Variants in SNAP91 observed in about 807,000 individuals in gnomAD.
The protein encoded by SNAP91 is synaptosome associated protein 91.
Under a neutral mutation model 100.3 loss-of-function variants are expected in SNAP91, and 27 were observed. The observed-to-expected ratio is 0.27, with a 90% CI of 0.20 to 0.37. SNAP91 has a LOEUF of 0.37. Ranked by LOEUF, SNAP91 falls within the 10% of genes least tolerant of loss-of-function variation. The pLI is 1.00. For synonymous variants in SNAP91, 404 were observed against 398.6 expected (o/e 1.01, Z -0.16); for missense variants, 986 against 1,123.7 (o/e 0.88, Z 1.75).
rs115518045 is a variant in SNAP91, at chr6:83,664,028, G to A, written c.273+1411C>T. Among the ~76,000 whole-genome samples the A allele has an allele frequency of 6.0e-3, 911 of 152,154 alleles. 9 individuals carry two copies. Among genetic ancestry groups the A allele is most frequent in the African/African-American group, 0.021 (877 of 41,524 alleles). On this transcript the variant is annotated intron_variant, in intron 3 of 29. Coordinates refer to ENST00000369694, the MANE Select transcript of SNAP91 (RefSeq NM_001242792.2). Reference sequence around the variant, plus strand: ...CTCTATAAATGGAACAACAAAGCCCGGATGATAGCACACTCTGTTTATAGT... The same window carrying A: ...CTCTATAAATGGAACAACAAAGCCCAGATGATAGCACACTCTGTTTATAGT...
Position 83,696,777 on chromosome 6 carries a change from T to C in SNAP91, c.130+11021A>G, listed in dbSNP as rs145506437. ...ATTCTTTTTGAATCACCTGTAATTA[T>C]TTCTTTAATTTTCTGTCTCCCCTAC... On this transcript the variant is annotated intron_variant, in intron 2 of 29. Transcript: ENST00000369694. Among the ~76,000 whole-genome samples the C allele has an allele frequency of 5.2e-4, 79 of 152,308 alleles. 1 individual carries two copies. The East Asian group carries it at 0.014, about 28-fold the overall frequency.
Position 83,582,319 on chromosome 6 carries a change from T to C in SNAP91, c.2052A>G (p.Pro684=). 11 of 1,613,434 alleles carry C rather than the reference T, an allele frequency of 6.8e-6. No individual in the cohort carries two copies. Among genetic ancestry groups the C allele is most frequent in the Non-Finnish European group, 9.3e-6 (11 of 1,179,680 alleles). Residue 684 remains proline, a synonymous_variant, in exon 23 of 30, where the codon CCA becomes CCG. Coordinates refer to ENST00000369694, the MANE Select transcript of SNAP91 (RefSeq NM_001242792.2). ...GGSFMAPSPS[P]VTPAQNNLLQ... is the part of the protein sequence containing the mutation. ...GCAGGTTATTCTGAGCTGGAGTCAC[T>C]GGAGATGGGGAAGGCGCCATGAAAG...
At chr6:83,673,564 T>TAGTTAACAACAATCAA (rs1201339685) in intron 2 of SNAP91, among the ~76,000 whole-genome samples, 107 of 152,330 alleles carry the variant, frequency 7.0e-4, no homozygotes, top group African/African-American at 2.5e-3. Flanking sequence ...CCCTCTCTTC[T>TAGTTAACAACAATCAA]AGTTAACAAC....
intron 2 of SNAP91, among the ~76,000 whole-genome samples, chr6:83,670,063 T>G (rs933734200): frequency 3.3e-5 from 5 of 151,966 alleles, no homozygotes; most frequent in African/African-American, 1.2e-4. Context: ...TTTAGGGAAC[T>G]GCTTTCAGAA....
chr6:83,600,335 T>C (rs1191436557), intron 16 of SNAP91, among the ~76,000 whole-genome samples: 1 of 152,192 alleles, frequency 6.6e-6, no homozygotes, highest in African/African-American at 2.4e-5. Flanking sequence ...GGGTACATAT[T>C]GATTACACCA....
rs1242753507 is a variant in SNAP91 at position 83,695,315 on chromosome 6, AAAAAG to A, written c.130+12478_130+12482del. 2.8e-4 allele frequency among the ~76,000 whole-genome samples: 43 copies of A among 151,166 alleles called. No individual in the cohort carries two copies. In the East Asian group the frequency reaches 5.6e-3, roughly 20 times the overall value. On this transcript the variant is annotated intron_variant, in intron 2 of 29. Coordinates refer to ENST00000369694, the MANE Select transcript of SNAP91 (RefSeq NM_001242792.2). ...AAAAAAAAAAAGAGAAAAGAAAAAG[AAAAAG>A]AAAAGAAAAGAAAGAAAACTGTGAT...
intron 8 of SNAP91, among the ~76,000 whole-genome samples, chr6:83,626,206 C>A (rs1429258010): frequency 6.6e-6 from 1 of 152,002 alleles, no homozygotes; most frequent in Admixed American, 6.6e-5. Flanking sequence ...CTATTCTGTT[C>A]CACTGTTCTA....
intron 16 of SNAP91, among the ~76,000 whole-genome samples, chr6:83,597,395 T>C (rs1211761279): frequency 3.9e-5 from 6 of 152,258 alleles, no homozygotes; most frequent in African/African-American, 1.4e-4. Context: ...TTTTTCATTA[T>C]AAATGGCAGC....
rs1217704917 is a variant in SNAP91 at position 83,576,061 on chromosome 6, T to A, written c.2300-8A>T. ...TACCAGAAATTCCAAGATCTATAAA[T>A]GGATAAAAGAAAAAAGAATGTAAAT... On this transcript the variant is annotated splice_region_variant and splice_polypyrimidine_tract_variant and intron_variant, in intron 24 of 29. Transcript: ENST00000369694. The A allele has an allele frequency of 7.5e-7, 1 of 1,325,512 alleles. No individual in the cohort carries two copies. The highest frequency in any genetic ancestry group is 1.0e-6 in the Non-Finnish European group (1 of 959,844). The allele number at this position is 1,325,512 out of a possible 1,614,324, so 82.1% of individuals were successfully genotyped here.
At chr6:83,627,310 CT>C (rs950811630) in intron 8 of SNAP91, among the ~76,000 whole-genome samples, 7 of 151,454 alleles carry the variant, frequency 4.6e-5, no homozygotes, top group Admixed American at 3.9e-4. Flanking sequence ...TTGTAGTTTT[CT>C]TTTTTTTGTT....
intron 7 of SNAP91, among the ~76,000 whole-genome samples, chr6:83,645,360 TC>T (rs2128592407): frequency 6.6e-6 from 1 of 152,050 alleles, no homozygotes; most frequent in African/African-American, 2.4e-5. Context: ...ACGCACAGCC[TC>T]CCCTATTATC....
Position 83,690,093 on chromosome 6 carries a change from A to G in SNAP91, c.130+17705T>C, listed in dbSNP as rs565207053. The G allele has an allele frequency of 8.3e-5, 16 of 191,982 alleles. No individual in the cohort carries two copies. In the South Asian group the frequency reaches 1.2e-3, roughly 15 times the overall value. The allele number at this position is 191,982 out of a possible 1,614,324, so 11.9% of individuals were successfully genotyped here. ...GTTTGCATTTTTGTTGAATATAAAA[A>G]TCCTCTCAAGTAAATTTGTATAAAC... is the stretch of plus-strand genomic sequence containing the variant. On this transcript the variant is annotated intron_variant, in intron 2 of 29. Coordinates refer to ENST00000369694, the MANE Select transcript of SNAP91 (RefSeq NM_001242792.2).
At chr6:83,567,081 G>A (rs1797688813) in intron 26 of SNAP91, among the ~76,000 whole-genome samples, 2 of 152,132 alleles carry the variant, frequency 1.3e-5, no homozygotes, top group Admixed American at 1.3e-4. Flanking sequence ...TCTTACTACA[G>A]GCATGTGCCA....
At chr6:83,703,309 CT>C (rs1460392552) in intron 2 of SNAP91, among the ~76,000 whole-genome samples, 1 of 152,042 alleles carries the variant, frequency 6.6e-6, no homozygotes, top group Non-Finnish European at 1.5e-5. Flanking sequence ...ATTCAGTAAA[CT>C]TTGCTTACTT....
chr6:83,572,257 G>GC (rs1554200954), intron 26 of SNAP91, among the ~76,000 whole-genome samples: 4 of 151,458 alleles, frequency 2.6e-5, no homozygotes, highest in Non-Finnish European at 4.4e-5. Context: ...TTTTCCTTTT[G>GC]TTTTTTTTGA....
At chr6:83,563,957 C>T (rs896571277) in intron 26 of SNAP91, among the ~76,000 whole-genome samples, 6 of 152,030 alleles carry the variant, frequency 3.9e-5, no homozygotes, top group African/African-American at 1.4e-4. Flanking sequence ...AATGAAATCC[C>T]TATCAAAATT....
chr6:83,622,036 A>G (rs1273256427), intron 9 of SNAP91, among the ~76,000 whole-genome samples: 1 of 152,100 alleles, frequency 6.6e-6, no homozygotes, highest in Non-Finnish European at 1.5e-5. Context: ...TATATCTAAT[A>G]AAGAGATTTT....
chr6:83,605,568 C>T, intron 14 of SNAP91, 117 bp downstream of exon 14: 1 of 1,364,598 alleles, frequency 7.3e-7, no homozygotes, highest in South Asian at 1.4e-5. Context: ...CATTTTCCCT[C>T]CAAGTTTCTA....
chr6:83,605,724 C>T lies in SNAP91; in HGVS notation c.1102G>A (p.Ala368Thr). Residue 368 changes from alanine (A) to threonine (T), a missense_variant, in exon 14 of 30, where the codon GCA becomes ACA. By Grantham distance (58) the Ala-to-Thr change is moderately conservative (BLOSUM62 0). This residue lies in a region of SNAP91 where 575 missense variants were observed against 579.9 expected (regional missense o/e 0.99). Transcript: ENST00000369694. The stretch of plus-strand genomic sequence containing the variant: ...GCTCCTCCAGCAGGTGGTGGTGGTG[C>T]TGGTGCTGCGGCTGCTGCTGCCCCT... ...SGGAAAAAAP[A>T]PPPPAGGATA... The T allele has an allele frequency of 6.4e-7, 1 of 1,552,478 alleles. No homozygotes were observed.
Sources: gnomAD v4.1 joint callset for allele counts (sites outside exome capture counted in the v4.1 genomes callset) on GRCh38, gnomAD v4.1.1 for gene constraint, gnomAD v4.1.1 regional missense constraint, MANE v1.5 for transcripts, NCBI Gene and HGNC (gene_info 2026-07-23, HGNC 2026-07-21) for gene names.